The following SLC9A9 variants were observed in gnomAD, a reference collection of about 807,000 sequenced individuals.
SLC9A9 encodes solute carrier family 9 member A9.
In SLC9A9, 62 loss-of-function variants were observed where a neutral mutation model predicts 77.8. The ratio of observed to expected loss-of-function variants is 0.80; its 90% CI spans 0.65 to 0.98. The LOEUF is 0.98. Ranked by LOEUF, SLC9A9 falls within the 50% of genes least tolerant of loss-of-function variation. The pLI is 0.00. For missense variants in SLC9A9, 775 were observed against 774.9 expected, an observed-to-expected ratio of 1.00 and a Z score of 0.00; for synonymous variants, 320 against 283.5, an observed-to-expected ratio of 1.13 and a Z score of -1.29.
intron 2 of SLC9A9, among the ~76,000 whole-genome samples, chr3:143,799,616 A>C (rs989560093): frequency 5.9e-5 from 9 of 152,208 alleles, no homozygotes; most frequent in African/African-American, 1.9e-4. Flanking sequence ...GATTCCTCCT[A>C]AGCCATGTCC....
intron 4 of SLC9A9, among the ~76,000 whole-genome samples, chr3:143,697,207 G>A (rs1933667033): frequency 6.6e-6 from 1 of 151,612 alleles, no homozygotes; most frequent in South Asian, 2.1e-4. Context: ...TACTGGGCAT[G>A]GAAAAGTAAA....
chr3:143,462,181 A>G (rs2035205242), intron 12 of SLC9A9, among the ~76,000 whole-genome samples: 1 of 152,112 alleles, frequency 6.6e-6, no homozygotes, highest in Non-Finnish European at 1.5e-5. Flanking sequence ...AGCTTGGGCA[A>G]TGTAATGAGA....
chr3:143,783,007 C>T (rs949110932), intron 4 of SLC9A9, among the ~76,000 whole-genome samples: 8 of 152,104 alleles, frequency 5.3e-5, no homozygotes, highest in African/African-American at 1.4e-4. Context: ...CAGATCCAAC[C>T]GAGTAGCATC....
At chr3:143,692,488 G>T (rs1012435196) in intron 5 of SLC9A9, among the ~76,000 whole-genome samples, 42 of 152,116 alleles carry the variant, frequency 2.8e-4, no homozygotes, top group African/African-American at 9.9e-4. Flanking sequence ...GGGTGTGGAG[G>T]GGGTATAAAT....
chr3:143,622,834 T>A (rs950427188), intron 6 of SLC9A9, among the ~76,000 whole-genome samples: 1 of 151,780 alleles, frequency 6.6e-6, no homozygotes, highest in African/African-American at 2.4e-5. Context: ...TTTGATAGAG[T>A]CAAGACCCAT....
intron 1 of SLC9A9, chr3:143,847,800 G>C (rs547348912): frequency 3.2e-6 from 1 of 313,544 alleles, no homozygotes; most frequent in South Asian, 3.8e-5. Context: ...CAGCCAGTGA[G>C]AGAAGGCTGC....
Position 143,424,271 on chromosome 3 carries a change from C to CT in SLC9A9, c.1470-42158dup, listed in dbSNP as rs34418520. Among the ~76,000 whole-genome samples the CT allele has an allele frequency of 3.6e-3, 521 of 144,214 alleles. 6 individuals are homozygous for CT. The highest frequency in any genetic ancestry group is 7.6e-3 in the East Asian group (37 of 4,892). 94.6% of individuals were successfully genotyped at this position (144,214 alleles called of 152,430 possible). On this transcript the variant is annotated intron_variant, in intron 12 of 15. Transcript: ENST00000316549. The stretch of plus-strand genomic sequence containing the variant: ...AAAAAAAGGACATTATACTTGAAAC[C>CT]TTTTTTTTTTTTTGAGACAGAGTCT...
chr3:143,471,160 C>T lies in SLC9A9; in HGVS notation c.1316-3970G>A, dbSNP rs139176224. 7.2e-5 allele frequency among the ~76,000 whole-genome samples: 11 copies of T among 152,274 alleles called. No individual in the cohort carries two copies. In the East Asian group the frequency reaches 1.2e-3, roughly 16 times the overall value. On this transcript the variant is annotated intron_variant, in intron 11 of 15. Transcript: ENST00000316549. ...TCCATAGCCCTGGTAACATGTGGCA[C>T]GCACGGCACTGCGGCACTGGAAGCA...
intron 11 of SLC9A9, among the ~76,000 whole-genome samples, chr3:143,487,611 C>G (rs751901742): frequency 6.6e-6 from 1 of 151,692 alleles, no homozygotes; most frequent in Non-Finnish European, 1.5e-5. Flanking sequence ...AAAATTCATG[C>G]ATATATGGAA....
chr3:143,677,713 G>T (rs1222715015), intron 5 of SLC9A9, among the ~76,000 whole-genome samples: 4 of 151,992 alleles, frequency 2.6e-5, no homozygotes, highest in African/African-American at 9.7e-5. Context: ...GGGGTAAAAT[G>T]ATATGCTGTT....
rs138191042 is a variant in SLC9A9, at chr3:143,720,170, A to C, written c.534-26863T>G. On this transcript the variant is annotated intron_variant, in intron 4 of 15. Transcript: ENST00000316549. ...ATCTCACATCTTATATAGTATATAAAGTAAATATATGTAGAGTTATATAAG... is the reference window on the plus strand; with the variant it reads ...ATCTCACATCTTATATAGTATATAACGTAAATATATGTAGAGTTATATAAG... Among the ~76,000 whole-genome samples the C allele has an allele frequency of 6.2e-3, 935 of 150,782 alleles. 10 individuals carry two copies. Among genetic ancestry groups the C allele is most frequent in the African/African-American group, 0.022 (887 of 40,704 alleles).
At chr3:143,609,647 CTA>C (rs2108696869) in intron 6 of SLC9A9, among the ~76,000 whole-genome samples, 1 of 152,130 alleles carries the variant, frequency 6.6e-6, no homozygotes, top group Admixed American at 6.5e-5. Context: ...CCTTACAGTT[CTA>C]GAGATTTTAT....
rs571509461 is a variant in SLC9A9, at chr3:143,425,248, G to C, written c.1469+41789C>G. Among the ~76,000 whole-genome samples the C allele has an allele frequency of 2.0e-5, 3 of 149,362 alleles. No homozygotes were observed. In the East Asian group the frequency reaches 5.9e-4, roughly 30 times the overall value. On this transcript the variant is annotated intron_variant, in intron 12 of 15. Coordinates refer to ENST00000316549, the MANE Select transcript of SLC9A9 (RefSeq NM_173653.4). The stretch of plus-strand genomic sequence containing the variant: ...GGTGTACACTTAGTTTTGATGTGGG[G>C]ACCAATGAGGCTTAGCTTTTTTTTT...
intron 11 of SLC9A9, among the ~76,000 whole-genome samples, chr3:143,474,085 G>A (rs1271259118): frequency 6.6e-6 from 1 of 152,138 alleles, no homozygotes; most frequent in Non-Finnish European, 1.5e-5. Flanking sequence ...CCTAATAGAG[G>A]GAGAAGCCAT....
chr3:143,401,968 A>G (rs552810483), intron 12 of SLC9A9, among the ~76,000 whole-genome samples: 1 of 152,338 alleles, frequency 6.6e-6, no homozygotes, highest in East Asian at 1.9e-4. Flanking sequence ...ACATCTCACC[A>G]TCTCAGATGG....
At chr3:143,569,542 T>G (rs2037224367) in intron 8 of SLC9A9, among the ~76,000 whole-genome samples, 1 of 152,126 alleles carries the variant, frequency 6.6e-6, no homozygotes, top group Admixed American at 6.5e-5. Context: ...TAAAAGAAAT[T>G]ATACACTATC....
chr3:143,275,224 C>T (rs1938011752), intron 14 of SLC9A9, among the ~76,000 whole-genome samples: 1 of 152,164 alleles, frequency 6.6e-6, no homozygotes, highest in African/African-American at 2.4e-5. Context: ...CAAAGTTGTT[C>T]CTGAAAAGTT....
At chr3:143,612,491 C>T (rs908591112) in intron 6 of SLC9A9, among the ~76,000 whole-genome samples, 1 of 152,162 alleles carries the variant, frequency 6.6e-6, no homozygotes, top group Non-Finnish European at 1.5e-5. Flanking sequence ...AACATGTTTC[C>T]AAGAGGCGTC....
At chr3:143,767,137 A>AC (rs2007344743) in intron 4 of SLC9A9, among the ~76,000 whole-genome samples, 1 of 151,954 alleles carries the variant, frequency 6.6e-6, no homozygotes, top group Non-Finnish European at 1.5e-5. Flanking sequence ...TCTTGCCTGG[A>AC]CCTCTAGATA....
Sources: gnomAD v4.1 joint callset for allele counts (sites outside exome capture counted in the v4.1 genomes callset) on GRCh38, gnomAD v4.1.1 for gene constraint, MANE v1.5 for transcripts, NCBI Gene and HGNC (gene_info 2026-07-23, HGNC 2026-07-21) for gene names.